The following CDON variants were observed in gnomAD, a reference collection of about 807,000 sequenced individuals.
The protein encoded by CDON is cell adhesion molecule-related/down-regulated by oncogenes.
A neutral mutation model predicts 120.9 loss-of-function variants in CDON; 73 were observed. The ratio of observed to expected loss-of-function variants is 0.60; its 90% CI spans 0.50 to 0.73. CDON has a LOEUF of 0.73. Among genes scored for constraint, CDON ranks in the 30% least tolerant of loss-of-function variants. The pLI, the probability that CDON is intolerant of heterozygous loss-of-function variation, is 0.00. For missense variants in CDON, 1,470 were observed against 1,587.3 expected (o/e 0.93, Z 1.26); for synonymous variants, 566 against 573.5 (o/e 0.99, Z 0.19).
intron 1 of CDON, among the ~76,000 whole-genome samples, chr11:126,050,939 G>A (rs1401920195): frequency 3.3e-5 from 5 of 151,998 alleles, no homozygotes; most frequent in Non-Finnish European, 7.4e-5. Context: ...TAGGTGAATC[G>A]GAAAAAGACA....
chr11:126,034,215 C>T lies in CDON; in HGVS notation c.-61-10678G>A, dbSNP rs566013975. On this transcript the variant is annotated intron_variant, in intron 1 of 19. Coordinates refer to ENST00000531738, the MANE Select transcript of CDON (RefSeq NM_001378964.1). The surrounding 1 kb of genome is among the most constrained non-coding windows in gnomAD (Gnocchi z 4.5). Reference sequence around the variant, plus strand: ...CAGTCGAGTCAGCCAAGCATACAAACGATCCTGCTGCCTGCGAAAGCATTT... The same window carrying T: ...CAGTCGAGTCAGCCAAGCATACAAATGATCCTGCTGCCTGCGAAAGCATTT... Among the ~76,000 whole-genome samples, 51 of 152,256 alleles carry T rather than the reference C, an allele frequency of 3.3e-4. 1 individual carries two copies. In the South Asian group the frequency reaches 8.7e-3, roughly 26 times the overall value.
intron 1 of CDON, among the ~76,000 whole-genome samples, chr11:126,038,587 G>T (rs750406615): frequency 6.6e-6 from 1 of 152,024 alleles, no homozygotes; most frequent in Non-Finnish European, 1.5e-5. Context: ...AGGAGGCAGA[G>T]GTTGCAGTGA....
chr11:126,041,319 G>A (rs1189492426), intron 1 of CDON, among the ~76,000 whole-genome samples: 2 of 152,140 alleles, frequency 1.3e-5, no homozygotes, highest in Middle Eastern at 3.4e-3. Context: ...TGACTTGGTG[G>A]GCTGCAAAAA....
chr11:125,993,629 A>G (rs1039540224), intron 14 of CDON, among the ~76,000 whole-genome samples: 1 of 152,182 alleles, frequency 6.6e-6, no homozygotes, highest in African/African-American at 2.4e-5. Context: ...TAAAGGCAAC[A>G]GGAACTACCC....
intron 18 of CDON, among the ~76,000 whole-genome samples, chr11:125,973,435 G>C (rs1946061009): frequency 6.6e-6 from 1 of 152,198 alleles, no homozygotes; most frequent in Admixed American, 6.5e-5. Flanking sequence ...GGGAGGCTGA[G>C]GCAGAGAATT....
At chr11:126,017,032 T>C (rs1947488033) in intron 6 of CDON, 56 bp downstream of exon 6, 1 of 1,378,100 alleles carries the variant, frequency 7.3e-7, no homozygotes. Context: ...CCTTCAGGTA[T>C]CAGTTAGACC....
intron 6 of CDON, among the ~76,000 whole-genome samples, chr11:126,016,549 C>A (rs1947474140): frequency 6.6e-6 from 1 of 152,170 alleles, no homozygotes. Flanking sequence ...CCTCCCACCT[C>A]AGCCTCCCAA....
chr11:126,015,322 CCA>C lies in CDON; in HGVS notation c.1115_1116del (p.Val372GlyfsTer12). On this transcript the variant is annotated frameshift_variant, in exon 7 of 20. Transcript: ENST00000531738. LOFTEE classifies it high-confidence loss of function. ...GNGLKISGVT[V>X]EDVGMYQCVA... ...ACACACTGATACATCCCAACATCTTCCACAGTAACCCCACTGATTTTCAGTCC... is the reference window on the plus strand; with the variant it reads ...ACACACTGATACATCCCAACATCTTCCAGTAACCCCACTGATTTTCAGTCC... 6.2e-7 allele frequency: 1 copy of C among 1,614,094 alleles called. No individual in the cohort carries two copies. The highest frequency in any genetic ancestry group is 8.5e-7 in the Non-Finnish European group (1 of 1,179,976).
In CDON at chr11:125,966,863, A is replaced by T. The variant is rs144936637; in HGVS notation, c.3357-4865T>A. 4.6e-3 allele frequency among the ~76,000 whole-genome samples: 694 copies of T among 152,148 alleles called. 7 individuals carry two copies. Among genetic ancestry groups the T allele is most frequent in the Middle Eastern group, 0.014 (4 of 294 alleles). ...ACAGTAACTGCCAATCTAGAAGTCA[A>T]TTAGAGGTTAAAAAAAAAAAGAAAA... On this transcript the variant is annotated intron_variant, in intron 18 of 19. Transcript: ENST00000531738.
rs371220251 is a variant in CDON at position 126,015,226 on chromosome 11, G to T, written c.1198+15C>A. On this transcript the variant is annotated intron_variant, in intron 7 of 19. Coordinates refer to ENST00000531738, the MANE Select transcript of CDON (RefSeq NM_001378964.1). ...AAATAAAAGTTCTTATGACTGGCAC[G>T]ACCTAAAAGCCTACCATTTTCAATT... 6.2e-7 allele frequency: 1 copy of T among 1,612,736 alleles called. No individual in the cohort carries two copies. The highest frequency in any genetic ancestry group is 1.1e-5 in the South Asian group (1 of 90,980).
At chr11:125,995,133 G>T in intron 12 of CDON, 81 bp from the exon 13 acceptor site, 2 of 1,214,176 alleles carry the variant, frequency 1.6e-6, no homozygotes, top group African/African-American at 1.5e-5. Flanking sequence ...ACTAAAGGCA[G>T]AATAGTCAAA....
At chr11:125,968,847 C>G (rs1488598483) in intron 18 of CDON, among the ~76,000 whole-genome samples, 1 of 151,830 alleles carries the variant, frequency 6.6e-6, no homozygotes, top group African/African-American at 2.4e-5. Context: ...AGTTAAATTA[C>G]TTTTAGTTCA....
intron 18 of CDON, among the ~76,000 whole-genome samples, chr11:125,962,557 G>A (rs1418385582): frequency 6.6e-6 from 1 of 152,178 alleles, no homozygotes; most frequent in African/African-American, 2.4e-5. Flanking sequence ...TTTCTTCACA[G>A]AATTGCTGGA....
intron 7 of CDON, chr11:126,014,958 T>C: frequency 2.4e-6 from 1 of 422,212 alleles, no homozygotes; most frequent in Non-Finnish European, 4.3e-6. Context: ...GAACTGACTG[T>C]CTAGGGAATA....
At chr11:125,997,124 A>G in intron 12 of CDON, 83 bp downstream of exon 12, 1 of 1,117,910 alleles carries the variant, frequency 8.9e-7, no homozygotes, top group South Asian at 1.3e-5. Context: ...GGGCCAACAG[A>G]GTGAGACCCT....
chr11:126,046,390 C>T (rs866559700), intron 1 of CDON, among the ~76,000 whole-genome samples: 10 of 152,232 alleles, frequency 6.6e-5, no homozygotes, highest in South Asian at 6.2e-4. Context: ...TGTTCAATAT[C>T]GCTACAAAAA....
chr11:126,044,263 T>C (rs998427876), intron 1 of CDON, among the ~76,000 whole-genome samples: 2 of 152,234 alleles, frequency 1.3e-5, no homozygotes, highest in Non-Finnish European at 2.9e-5. Flanking sequence ...GTTTTCTTCA[T>C]ACTTTGGTAT....
At chr11:125,993,372 C>T (rs1344035933) in intron 14 of CDON, among the ~76,000 whole-genome samples, 1 of 139,026 alleles carries the variant, frequency 7.2e-6, no homozygotes. Flanking sequence ...CTCTGTCTCT[C>T]ACACACACAT....
intron 15 of CDON, among the ~76,000 whole-genome samples, chr11:125,986,291 C>CT (rs1023070717): frequency 2.6e-5 from 4 of 151,770 alleles, no homozygotes; most frequent in Non-Finnish European, 5.9e-5. Flanking sequence ...ACACTGGGGC[C>CT]TGTCATGGGG....
Sources: allele counts gnomAD v4.1 joint callset (sites outside exome capture counted in the v4.1 genomes callset), GRCh38; gene constraint gnomAD v4.1.1; non-coding constraint Gnocchi (gnomAD v3.1); transcripts MANE v1.5; gene names NCBI Gene and HGNC (gene_info 2026-07-23, HGNC 2026-07-21).